ATPSCKMT: variants seen among roughly 807,000 people sequenced by gnomAD.
ATPSCKMT encodes the protein ATP synthase c subunit lysine N-methyltransferase.
In ATPSCKMT, 24 loss-of-function variants were observed where a neutral mutation model predicts 24.3. The observed-to-expected ratio is 0.99, with a 90% CI of 0.71 to 1.39. ATPSCKMT has a LOEUF of 1.39. Among genes scored for constraint, ATPSCKMT ranks in the 40% most tolerant of loss-of-function variants. ATPSCKMT has a pLI of 0.00. For synonymous variants in ATPSCKMT, 95 were observed against 110.5 expected (o/e 0.86, Z 0.88); for missense variants, 311 against 298.4 (o/e 1.04, Z -0.31).
chr5:10,231,077 G>A (rs980592363), intron 4 of ATPSCKMT, among the ~76,000 whole-genome samples: 1 of 151,782 alleles, frequency 6.6e-6, no homozygotes, highest in Non-Finnish European at 1.5e-5. Flanking sequence ...AGCTCCGCCT[G>A]CACCTTCCCC....
intron 4 of ATPSCKMT, among the ~76,000 whole-genome samples, chr5:10,228,072 T>C (rs988354749): frequency 6.6e-6 from 1 of 152,174 alleles, no homozygotes; most frequent in Non-Finnish European, 1.5e-5. Context: ...CTCAAACTCC[T>C]GGGCTCAAGC....
intron 1 of ATPSCKMT, among the ~76,000 whole-genome samples, chr5:10,244,932 C>T (rs1579433688): frequency 6.7e-6 from 1 of 150,042 alleles, no homozygotes; most frequent in Middle Eastern, 3.6e-3. Context: ...AAAGAAAAGT[C>T]AAGGCACATT....
At chr5:10,237,282 C>T (rs1463947033) in intron 2 of ATPSCKMT, among the ~76,000 whole-genome samples, 1 of 152,182 alleles carries the variant, frequency 6.6e-6, no homozygotes, top group Non-Finnish European at 1.5e-5. Flanking sequence ...TAAGATAGTT[C>T]CCAAGTACTA....
intron 4 of ATPSCKMT, among the ~76,000 whole-genome samples, chr5:10,229,157 G>A (rs572260371): frequency 3.4e-4 from 51 of 152,218 alleles, no homozygotes; most frequent in Non-Finnish European, 4.7e-4. Context: ...ATAACACTGC[G>A]ATTCTGTCAT....
chr5:10,235,210 C>T lies in ATPSCKMT; in HGVS notation c.495+1G>A. 1 of 1,613,756 alleles carries T rather than the reference C, an allele frequency of 6.2e-7. No homozygotes were observed. The highest frequency in any genetic ancestry group is 8.5e-7 in the Non-Finnish European group (1 of 1,179,734). ...CAGAGAGCAGGAAAGTGCATACTCA[C>T]CATCTGAGGCACACCGAAAATAACA... is the stretch of plus-strand genomic sequence containing the variant. On this transcript the variant is annotated splice_donor_variant, in intron 4 of 4. Transcript: ENST00000511437. LOFTEE classifies it high-confidence loss of function.
intron 1 of ATPSCKMT, among the ~76,000 whole-genome samples, chr5:10,244,250 T>G (rs1432146499): frequency 6.6e-6 from 1 of 152,132 alleles, no homozygotes; most frequent in East Asian, 1.9e-4. Context: ...TAGATCACCA[T>G]AACAGACATA....
At chr5:10,242,354 C>G (rs1744684030) in intron 1 of ATPSCKMT, among the ~76,000 whole-genome samples, 1 of 152,198 alleles carries the variant, frequency 6.6e-6, no homozygotes. Context: ...AGCATCCTCA[C>G]CAGTAGTAGA....
intron 1 of ATPSCKMT, among the ~76,000 whole-genome samples, chr5:10,242,539 C>T (rs1744692598): frequency 6.6e-6 from 1 of 152,186 alleles, no homozygotes; most frequent in South Asian, 2.1e-4. Context: ...CAAAGTCATC[C>T]ATGAGGATTG....
At chr5:10,233,658 G>A (rs866859854) in intron 4 of ATPSCKMT, among the ~76,000 whole-genome samples, 1 of 151,466 alleles carries the variant, frequency 6.6e-6, no homozygotes. Context: ...CTGGAGTGAC[G>A]ATGACTACCA....
chr5:10,229,183 C>A (rs934655843), intron 4 of ATPSCKMT, among the ~76,000 whole-genome samples: 1 of 152,194 alleles, frequency 6.6e-6, no homozygotes, highest in South Asian at 2.1e-4. Context: ...CAATAATGTT[C>A]TGTATAACAT....
intron 4 of ATPSCKMT, among the ~76,000 whole-genome samples, chr5:10,228,406 C>T (rs17294394): frequency 6.6e-6 from 1 of 151,912 alleles, no homozygotes; most frequent in Admixed American, 6.6e-5. Flanking sequence ...GATAGCCTAA[C>T]TTATACCACC....
rs1309744085 is a variant in ATPSCKMT at position 10,225,996 on chromosome 5, A to T, written c.*1445T>A. Among the ~76,000 whole-genome samples the T allele has an allele frequency of 6.6e-6, 1 of 152,208 alleles. No individual in the cohort carries two copies. The highest frequency in any genetic ancestry group is 6.5e-5 in the Admixed American group (1 of 15,282). ...ACACCACAGAAAGAACTCATTCTTC[A>T]TAAGAAGACTGGAGCTACTGAAAAA... On this transcript the variant is annotated 3_prime_UTR_variant, in exon 5 of 5. Coordinates refer to ENST00000511437, the MANE Select transcript of ATPSCKMT (RefSeq NM_199133.4).
chr5:10,232,314 T>TA (rs2126428155), intron 4 of ATPSCKMT, among the ~76,000 whole-genome samples: 1 of 152,392 alleles, frequency 6.6e-6, no homozygotes, highest in African/African-American at 2.4e-5. Flanking sequence ...TGGGTATATT[T>TA]AGACCACATT....
At chr5:10,236,647 A>G in intron 2 of ATPSCKMT, 32 bp from the exon 3 acceptor site, 1 of 1,603,296 alleles carries the variant, frequency 6.2e-7, no homozygotes, top group East Asian at 2.2e-5. Flanking sequence ...ATTCAAAATA[A>G]GAAGAAAAAA....
In ATPSCKMT at chr5:10,236,487, A is replaced by T. The variant is rs765739189; in HGVS notation, c.435T>A (p.Asp145Glu). 16 of 1,613,978 alleles carry T rather than the reference A, an allele frequency of 9.9e-6. No individual in the cohort carries two copies. In the South Asian group the frequency reaches 1.8e-4, roughly 18 times the overall value. ...TCTCTGCCTTACATACCTTCCACAA[A>T]TCTGAAATATAAAATTTGGCAGATC... The part of the protein sequence containing the change: ...VHGSAKFYIS[D>E]LWKVTFSQYS... Residue 145 changes from aspartate (D) to glutamate (E), a missense_variant, in exon 3 of 5, where the codon GAT becomes GAA. Transcript: ENST00000511437.
intron 2 of ATPSCKMT, chr5:10,236,866 C>A (rs1201732444): frequency 6.9e-7 from 1 of 1,445,228 alleles, no homozygotes; most frequent in Non-Finnish European, 9.2e-7. Context: ...CATTCAGGTT[C>A]ACTTGGAACA....
At position 10,238,816 on chromosome 5, in the gene ATPSCKMT, T is replaced by C. The variant is rs75657008; in HGVS notation, c.306+251A>G. Among the ~76,000 whole-genome samples, 183 of 152,340 alleles carry C rather than the reference T, an allele frequency of 1.2e-3. 1 individual carries two copies. Among genetic ancestry groups the C allele is most frequent in the African/African-American group, 4.2e-3 (174 of 41,588 alleles). The stretch of plus-strand genomic sequence containing the variant: ...TGTATTTTAAGAGACAATTTGATAA[T>C]TACCAGTTAACTGTTCTTTTTCACC... On this transcript the variant is annotated intron_variant, in intron 2 of 4. Transcript: ENST00000511437.
At chr5:10,240,430 G>A (rs761658295) in intron 1 of ATPSCKMT, among the ~76,000 whole-genome samples, 1 of 151,994 alleles carries the variant, frequency 6.6e-6, no homozygotes, top group African/African-American at 2.4e-5. Context: ...TTTTAAAATT[G>A]ATTAACAAGG....
rs369357904 is a variant in ATPSCKMT, at chr5:10,235,242, G to A, written c.464C>T (p.Ser155Leu). 2.5e-6 allele frequency: 4 copies of A among 1,613,524 alleles called. No individual in the cohort carries two copies. The highest frequency in any genetic ancestry group is 3.4e-6 in the Non-Finnish European group (4 of 1,179,620). The change falls in exon 4 of 5, where the codon TCG (serine) becomes TTG (leucine). Residue 155 changes from serine (S) to leucine (L), a missense_variant. By Grantham distance (145) the Ser-to-Leu change is moderately radical (BLOSUM62 -2). Transcript: ENST00000511437. ...DLWKVTFSQY[S>L]NVVIFGVPQM... is the part of the protein sequence containing the mutation. ...AGGCACACCGAAAATAACAACGTTC[G>A]AGTACTGCGAAAAAGTAACCTGAAC...
Sources: gnomAD v4.1 joint callset for allele counts (sites outside exome capture counted in the v4.1 genomes callset) on GRCh38, gnomAD v4.1.1 for gene constraint, MANE v1.5 for transcripts, NCBI Gene and HGNC (gene_info 2026-07-23, HGNC 2026-07-21) for gene names.